Variants in ZAR1 observed in about 807,000 individuals in gnomAD.
ZAR1 encodes the protein zygote arrest 1, also known as zygote arrest protein 1.
A neutral mutation model predicts 38.3 loss-of-function variants in ZAR1; 37 were observed. The observed-to-expected ratio is 0.97, with a 90% CI of 0.74 to 1.27. The LOEUF (loss-of-function observed/expected upper bound fraction) is 1.27, where lower values mean the gene tolerates loss of function less well. ZAR1 is among the 50% of genes most tolerant of loss of function. The pLI, the probability that ZAR1 is intolerant of heterozygous loss-of-function variation, is 0.00. For missense variants in ZAR1, 651 were observed against 632.4 expected (o/e 1.03, Z -0.32); for synonymous variants, 336 against 292.0 (o/e 1.15, Z -1.53).
Position 48,491,002 on chromosome 4 carries a change from G to A in ZAR1, c.711G>A (p.Pro237=), listed in dbSNP as rs1290681148. 3 of 1,362,470 alleles carry A rather than the reference G, an allele frequency of 2.2e-6. No homozygotes were observed. The highest frequency in any genetic ancestry group is 1.5e-5 in the African/African-American group (1 of 65,664). The allele number at this position is 1,362,470 out of a possible 1,614,324, so 84.4% of individuals were successfully genotyped here. A position where few individuals can be genotyped will look rare whatever the true frequency, so the allele number is the denominator to read the frequency against. The change falls in exon 1 of 4, where the codon CCG becomes CCA. Residue 237 remains proline (P), a synonymous_variant. Transcript: ENST00000327939. ...EVWTKKAPRR[P]QSDDDGEAQA... ...GGACGAAGAAGGCGCCCCGGCGGCC[G>A]CAGTCCGACGACGACGGCGAGGCCC...
At chr4:48,491,319 C>T in intron 1 of ZAR1, 65 bp downstream of exon 1, 1 of 1,162,620 alleles carries the variant, frequency 8.6e-7, no homozygotes, top group Non-Finnish European at 1.1e-6. Flanking sequence ...TTGGGCCTGG[C>T]CCTGTGACTG....
At chr4:48,494,986 C>T (rs1301173388), downstream of ZAR1, among the ~76,000 whole-genome samples, 1 of 152,116 alleles carries the variant, frequency 6.6e-6, no homozygotes, top group Non-Finnish European at 1.5e-5. Context: ...CACTGAATAA[C>T]CTATCAAGTA....
Position 48,492,810 on chromosome 4 carries a change from C to T in ZAR1, c.1008C>T (p.Asn336=), listed in dbSNP as rs757889347. ...KYGYYHCKDC[N]IRWESAYVWC... is the part of the protein sequence containing the mutation. ...GCTATTACCACTGCAAGGACTGCAA[C>T]ATCCGCTGGGAGAGTGCTTATGTGT... The change falls in exon 2 of 4, where the codon AAC becomes AAT. Residue 336 remains asparagine, a synonymous_variant. Coordinates refer to ENST00000327939, the MANE Select transcript of ZAR1 (RefSeq NM_175619.3). The T allele has an allele frequency of 2.5e-6, 4 of 1,614,084 alleles. No homozygotes were observed. Among genetic ancestry groups the T allele is most frequent in the Middle Eastern group, 3.3e-4 (2 of 6,084 alleles).
intron 3 of ZAR1, among the ~76,000 whole-genome samples, chr4:48,493,805 A>G (rs1263083603): frequency 6.6e-6 from 1 of 152,202 alleles, no homozygotes; most frequent in African/African-American, 2.4e-5. Context: ...TTCATTGTCA[A>G]ATTCATCCCT....
rs758462005 is a variant in ZAR1 at position 48,490,501 on chromosome 4, G to A, written c.210G>A (p.Thr70=). Reference sequence around the variant, plus strand: ...CCTTCCCGGGCTGCGGGCGGCTGACGGCCGCCGAGTACTTCGACAGCTACC... The same window carrying A: ...CCTTCCCGGGCTGCGGGCGGCTGACAGCCGCCGAGTACTTCGACAGCTACC... ...SLSFPGCGRL[T]AAEYFDSYQR... is the part of the protein sequence containing the mutation. Residue 70 remains threonine, a synonymous_variant, in exon 1 of 4, where the codon ACG becomes ACA. Coordinates refer to ENST00000327939, the MANE Select transcript of ZAR1 (RefSeq NM_175619.3). 2 of 1,470,906 alleles carry A rather than the reference G, an allele frequency of 1.4e-6. No individual in the cohort carries two copies. Among genetic ancestry groups the A allele is most frequent in the Non-Finnish European group, 1.8e-6 (2 of 1,120,352 alleles). The allele number at this position is 1,470,906 out of a possible 1,614,324, so 91.1% of individuals were successfully genotyped here. A position where few individuals can be genotyped will look rare whatever the true frequency, so the allele number is the denominator to read the frequency against.
At chr4:48,495,009 CTTCAAAG>C (rs956478851), downstream of ZAR1, among the ~76,000 whole-genome samples, 18 of 152,090 alleles carry the variant, frequency 1.2e-4, no homozygotes, top group Non-Finnish European at 4.4e-5. Context: ...CTTTGTGTTT[CTTCAAAG>C]CCTTTTTTTT....
chr4:48,491,119 G>C lies in ZAR1; in HGVS notation c.828G>C (p.Ser276=). ...AGGAGGGCGAGGCGGCTCCGCGGTCGGCGCTAAGGAGCCCGGGGCAACCTC... is the reference window on the plus strand; with the variant it reads ...AGGAGGGCGAGGCGGCTCCGCGGTCCGCGCTAAGGAGCCCGGGGCAACCTC... The part of the protein sequence containing the change: ...EAQEGEAAPR[S]ALRSPGQPPS... Residue 276 remains serine (S), a synonymous_variant, in exon 1 of 4, where the codon TCG becomes TCC. Transcript: ENST00000327939. 8.0e-7 allele frequency: 1 copy of C among 1,249,884 alleles called. No homozygotes were observed. Among genetic ancestry groups the C allele is most frequent in the Non-Finnish European group, 1.0e-6 (1 of 998,658 alleles). The allele number at this position is 1,249,884 out of a possible 1,614,324, so 77.4% of individuals were successfully genotyped here. A position where few individuals can be genotyped will look rare whatever the true frequency, so the allele number is the denominator to read the frequency against.
Position 48,492,822 on chromosome 4 carries a change from G to T in ZAR1, c.1020G>T (p.Glu340Asp), listed in dbSNP as rs1245998027. The change falls in exon 2 of 4, where the codon GAG (glutamate) becomes GAT (aspartate). Residue 340 changes from glutamate to aspartate, a missense_variant. Physicochemically the swap from Glu to Asp is conservative, Grantham distance 45. Coordinates refer to ENST00000327939, the MANE Select transcript of ZAR1 (RefSeq NM_175619.3). ...YHCKDCNIRW[E>D]SAYVWCVQGT... is the part of the protein sequence containing the mutation. Reference sequence around the variant, plus strand: ...GCAAGGACTGCAACATCCGCTGGGAGAGTGCTTATGTGTGGTGTGTACAGG... The same window carrying T: ...GCAAGGACTGCAACATCCGCTGGGATAGTGCTTATGTGTGGTGTGTACAGG... 6.2e-7 allele frequency: 1 copy of T among 1,614,222 alleles called. No homozygotes were observed. Among genetic ancestry groups the T allele is most frequent in the East Asian group, 2.2e-5 (1 of 44,892 alleles).
At chr4:48,496,715 A>AGAAG (rs1436047096), downstream of ZAR1, among the ~76,000 whole-genome samples, 2 of 152,262 alleles carry the variant, frequency 1.3e-5, no homozygotes, top group Non-Finnish European at 2.9e-5. Flanking sequence ...TTGAGAGGTT[A>AGAAG]GAAGGAAATA....
Position 48,490,766 on chromosome 4 carries a change from G to A in ZAR1, c.475G>A (p.Gly159Ser), listed in dbSNP as rs777001580. ...TTTCTCCCAGCAGCCATCCCGTCGA[G>A]GCCTGGAGCAGGGCAGCCCCCAGAA... is the stretch of plus-strand genomic sequence containing the variant. The part of the protein sequence containing the change: ...GSFSQQPSRR[G>S]LEQGSPQNGA... Residue 159 changes from glycine to serine, a missense_variant, in exon 1 of 4, where the codon GGC becomes AGC. Transcript: ENST00000327939. 6.8e-7 allele frequency: 1 copy of A among 1,466,886 alleles called. No homozygotes were observed. The highest frequency in any genetic ancestry group is 9.0e-7 in the Non-Finnish European group (1 of 1,114,550). The allele number at this position is 1,466,886 out of a possible 1,614,324, so 90.9% of individuals were successfully genotyped here. A position where few individuals can be genotyped will look rare whatever the true frequency, so the allele number is the denominator to read the frequency against.
Position 48,492,921 on chromosome 4 carries a change from CCT to C in ZAR1, c.1057-14_1057-13del. The C allele has an allele frequency of 4.3e-6, 7 of 1,614,132 alleles. 1 individual carries two copies. In the Middle Eastern group the frequency reaches 6.6e-4, roughly 152 times the overall value. On this transcript the variant is annotated splice_polypyrimidine_tract_variant and intron_variant, in intron 2 of 3. Coordinates refer to ENST00000327939, the MANE Select transcript of ZAR1 (RefSeq NM_175619.3). ...AGTGTCAAGGCGATTTTAAGTTTAT[CCT>C]CTTTGTCATCACAGGTTTACTTCAA...
At position 48,490,682 on chromosome 4, in the gene ZAR1, GCCCGCGACCCCGAGTCCCCGGCCGGC is replaced by G; in HGVS notation, c.396_421del (p.Asp133GlyfsTer210). The G allele has an allele frequency of 7.6e-7, 1 of 1,314,716 alleles. No homozygotes were observed. The highest frequency in any genetic ancestry group is 9.6e-7 in the Non-Finnish European group (1 of 1,036,744). The allele number at this position is 1,314,716 out of a possible 1,614,324, so 81.4% of individuals were successfully genotyped here. A position where few individuals can be genotyped will look rare whatever the true frequency, so the allele number is the denominator to read the frequency against. On this transcript the variant is annotated frameshift_variant, in exon 1 of 4. Coordinates refer to ENST00000327939, the MANE Select transcript of ZAR1 (RefSeq NM_175619.3). LOFTEE classifies it high-confidence loss of function. ...GGGGAGGCGCACGCTGCAGCGCCGG[GCCCGCGACCCCGAGTCCCCGGCCGGC>G]CCCGGGGCCGAGGGCACCACGGGTG...
At chr4:48,495,433 C>T (rs1354930804), downstream of ZAR1, among the ~76,000 whole-genome samples, 3 of 152,114 alleles carry the variant, frequency 2.0e-5, no homozygotes, top group Admixed American at 6.5e-5. Context: ...CCATAGAATC[C>T]GTATCTCAAG....
At chr4:48,497,411 A>G (rs1283777547), downstream of ZAR1, 1 of 152,588 alleles carries the variant, frequency 6.6e-6, no homozygotes, top group Admixed American at 6.5e-5. Flanking sequence ...AGTTACATAT[A>G]AATAAACACA....
At chr4:48,493,289 G>A (rs1266387000) in intron 3 of ZAR1, among the ~76,000 whole-genome samples, 1 of 152,174 alleles carries the variant, frequency 6.6e-6, no homozygotes, top group African/African-American at 2.4e-5. Flanking sequence ...TTAGTCTAAT[G>A]TATAAGAAAA....
Position 48,490,579 on chromosome 4 carries a change from G to A in ZAR1, c.288G>A (p.Pro96=). The change falls in exon 1 of 4, where the codon CCG becomes CCA. Residue 96 remains proline (P), a synonymous_variant. Transcript: ENST00000327939. The part of the protein sequence containing the change: ...LLAQVGPGLG[P]RARRAGSCDV... ...CGCAGGTGGGGCCGGGTCTCGGGCCGCGCGCCCGCAGGGCCGGCAGCTGCG... is the reference window on the plus strand; with the variant it reads ...CGCAGGTGGGGCCGGGTCTCGGGCCACGCGCCCGCAGGGCCGGCAGCTGCG... 7.2e-7 allele frequency: 1 copy of A among 1,392,810 alleles called. No homozygotes were observed. The highest frequency in any genetic ancestry group is 9.2e-7 in the Non-Finnish European group (1 of 1,083,960). 86.3% of individuals were successfully genotyped at this position (1,392,810 alleles called of 1,614,324 possible). A position where few individuals can be genotyped will look rare whatever the true frequency, so the allele number is the denominator to read the frequency against.
chr4:48,494,063 T>G, intron 3 of ZAR1, 38 bp from the exon 4 acceptor site: 1 of 1,601,480 alleles, frequency 6.2e-7, no homozygotes, highest in South Asian at 1.1e-5. Flanking sequence ...CACTAAGGGT[T>G]TATCTTCTGC....
chr4:48,491,372 A>C, intron 1 of ZAR1, 118 bp downstream of exon 1: 1 of 719,498 alleles, frequency 1.4e-6, no homozygotes, highest in Admixed American at 4.3e-5. Context: ...AGCGTGGGCT[A>C]CTTCCGTATT....
rs17472127 is a variant in ZAR1 at position 48,494,351 on chromosome 4, A to G, written c.*107A>G. The G allele has an allele frequency of 0.2, 286,774 of 1,412,292 alleles. 30,252 individuals carry two copies. The highest frequency in any genetic ancestry group is 0.29 in the Middle Eastern group (1,302 of 4,428). The allele number at this position is 1,412,292 out of a possible 1,614,324, so 87.5% of individuals were successfully genotyped here. A position where few individuals can be genotyped will look rare whatever the true frequency, so the allele number is the denominator to read the frequency against. On this transcript the variant is annotated 3_prime_UTR_variant, in exon 4 of 4. Coordinates refer to ENST00000327939, the MANE Select transcript of ZAR1 (RefSeq NM_175619.3). ...CAAAATACTTCATGAAAGGCAGTGTATTCTGAAAAAGCCTTCAAATAAAGG... is the reference window on the plus strand; with the variant it reads ...CAAAATACTTCATGAAAGGCAGTGTGTTCTGAAAAAGCCTTCAAATAAAGG...
Sources: gnomAD v4.1 joint callset for allele counts (sites outside exome capture counted in the v4.1 genomes callset) on GRCh38, gnomAD v4.1.1 for gene constraint, MANE v1.5 for transcripts, NCBI Gene and HGNC (gene_info 2026-07-23, HGNC 2026-07-21) for gene names.